DMD: variants seen among roughly 807,000 people sequenced by gnomAD.
The protein encoded by DMD is dystrophin, also known as mutant dystrophin.
Under a neutral mutation model 330.1 loss-of-function variants are expected in DMD, and 63 were observed. That is an observed-to-expected ratio of 0.19 (90% CI 0.16 to 0.24). The LOEUF is 0.24. Ranked by LOEUF, DMD falls within the 10% of genes least tolerant of loss-of-function variation. DMD has a pLI of 1.00. For synonymous variants in DMD, 1,223 were observed against 959.8 expected, an observed-to-expected ratio of 1.27 and a Z score of -5.07; for missense variants, 3,344 against 2,684.1, an observed-to-expected ratio of 1.25 and a Z score of -5.43.
chrX:33,324,829 T>C (rs1314761543), intron 1 of DMD, among the ~76,000 whole-genome samples: 1 of 112,013 alleles, frequency 8.9e-6, no homozygotes, highest in African/African-American at 3.2e-5. Context: ...AAAGCAATCA[T>C]GAATCACATG....
At chrX:32,542,109 G>C (rs958402943) in intron 17 of DMD, among the ~76,000 whole-genome samples, 2 of 110,746 alleles carry the variant, frequency 1.8e-5, no homozygotes, top group Admixed American at 9.7e-5. Context: ...AGCCAGGCTC[G>C]AATCAATGAG....
intron 16 of DMD, among the ~76,000 whole-genome samples, chrX:32,559,377 T>C (rs2050739867): frequency 8.9e-6 from 1 of 112,292 alleles, no homozygotes; most frequent in Middle Eastern, 4.6e-3. Flanking sequence ...GGTATTTTTA[T>C]TTTAATTCCA....
chrX:33,256,537 T>C (rs1368914782), intron 1 of DMD, among the ~76,000 whole-genome samples: 1 of 110,608 alleles, frequency 9.0e-6, no homozygotes, highest in Non-Finnish European at 1.9e-5. Context: ...ATAACATTTA[T>C]ATTTTAAATT....
In DMD at chrX:31,121,207, T is replaced by TAACTA. The variant is rs1481439021; in HGVS notation, c.*707_*711dup. 8.9e-6 allele frequency: 1 copy of TAACTA among 111,804 alleles called. No homozygotes were observed. Among genetic ancestry groups the TAACTA allele is most frequent in the Non-Finnish European group, 1.9e-5 (1 of 53,150 alleles). 9.2% of individuals were successfully genotyped at this position (111,804 alleles called of 1,213,427 possible). The stretch of plus-strand genomic sequence containing the variant: ...AGAAATTCGTATCTCTTTATCTATA[T>TAACTA]AACTATAGTATTTATATACTTATAG... On this transcript the variant is annotated 3_prime_UTR_variant, in exon 79 of 79. Coordinates refer to ENST00000357033, the MANE Select transcript of DMD (RefSeq NM_004006.3).
intron 39 of DMD, among the ~76,000 whole-genome samples, chrX:32,344,338 T>G (rs2097757275): frequency 8.9e-6 from 1 of 111,898 alleles, no homozygotes; most frequent in African/African-American, 3.2e-5. Context: ...ATTGGAACTA[T>G]TTGACAGGTT....
chrX:32,279,790 T>C (rs1230931218), intron 43 of DMD, among the ~76,000 whole-genome samples: 1 of 109,617 alleles, frequency 9.1e-6, no homozygotes, highest in South Asian at 3.9e-4. Flanking sequence ...ACAATTTAAT[T>C]GTACATTTTT....
intron 1 of DMD, among the ~76,000 whole-genome samples, chrX:33,114,880 G>C (rs16990916): frequency 0.029 from 3,229 of 111,345 alleles, 126 homozygotes; most frequent in African/African-American, 0.1. Flanking sequence ...ACATTAGGAA[G>C]GTACATTCCT....
chrX:31,238,065 G>A (rs2047906335), intron 63 of DMD, among the ~76,000 whole-genome samples: 1 of 111,831 alleles, frequency 8.9e-6, no homozygotes. Flanking sequence ...CTGCATTTGG[G>A]AGTTGCTTGA....
chrX:32,194,058 G>A (rs2096987587), intron 44 of DMD, among the ~76,000 whole-genome samples: 1 of 112,300 alleles, frequency 8.9e-6, no homozygotes, highest in Admixed American at 9.4e-5. Context: ...CTTCTTGTGA[G>A]TATAACTTTC....
chrX:31,244,797 T>G (rs754153230), intron 63 of DMD, among the ~76,000 whole-genome samples: 53 of 111,822 alleles, frequency 4.7e-4, no homozygotes, highest in Non-Finnish European at 9.0e-4. Flanking sequence ...TGAGGTGATT[T>G]TCATTTTGTT....
At chrX:31,886,910 T>C (rs1214555764) in intron 47 of DMD, among the ~76,000 whole-genome samples, 1 of 112,133 alleles carries the variant, frequency 8.9e-6, no homozygotes, top group Admixed American at 9.5e-5. Flanking sequence ...TATACTTCTA[T>C]AGAAAGAGGT....
intron 13 of DMD, among the ~76,000 whole-genome samples, chrX:32,576,902 C>G (rs899542465): frequency 9.0e-6 from 1 of 111,435 alleles, no homozygotes; most frequent in African/African-American, 3.3e-5. Context: ...TGACAGCCAT[C>G]AATGCATTCA....
At chrX:32,565,969 A>G in intron 15 of DMD, 88 bp from the exon 16 acceptor site, 1 of 808,180 alleles carries the variant, frequency 1.2e-6, no homozygotes, top group South Asian at 2.2e-5. Flanking sequence ...GTATTTGCTC[A>G]TTTGCATAGA....
intron 44 of DMD, among the ~76,000 whole-genome samples, chrX:32,156,803 A>G (rs1264503133): frequency 9.0e-6 from 1 of 111,622 alleles, no homozygotes. Context: ...TCACAGGCAT[A>G]TTCTTTACAT....
At chrX:32,890,762 C>T (rs751421373) in intron 2 of DMD, among the ~76,000 whole-genome samples, 2 of 111,788 alleles carry the variant, frequency 1.8e-5, no homozygotes, top group Admixed American at 9.5e-5. Context: ...GGCTACTGAA[C>T]ATTTGAAATG....
At chrX:32,145,077 C>A (rs1003301654) in intron 44 of DMD, among the ~76,000 whole-genome samples, 7 of 111,728 alleles carry the variant, frequency 6.3e-5, no homozygotes, top group Non-Finnish European at 3.8e-5. Flanking sequence ...ACTTTGAAAT[C>A]TATTTTTTGA....
chrX:32,755,785 A>G (rs944808015), intron 7 of DMD, among the ~76,000 whole-genome samples: 8 of 112,187 alleles, frequency 7.1e-5, no homozygotes, highest in African/African-American at 2.6e-4. Context: ...GTGATCAAGA[A>G]AATGGTTGTG....
intron 43 of DMD, among the ~76,000 whole-genome samples, chrX:32,263,130 A>G (rs2097330271): frequency 8.9e-6 from 1 of 112,350 alleles, no homozygotes; most frequent in South Asian, 3.6e-4. Flanking sequence ...ATCTGAAGTA[A>G]TCATTTAAAT....
chrX:32,471,802 T>C (rs1279490303), intron 22 of DMD, among the ~76,000 whole-genome samples: 1 of 111,863 alleles, frequency 8.9e-6, no homozygotes, highest in Non-Finnish European at 1.9e-5. Context: ...ACACTGATTT[T>C]ACCCACCAGT....
Sources: gnomAD v4.1 joint callset for allele counts (sites outside exome capture counted in the v4.1 genomes callset) on GRCh38, gnomAD v4.1.1 for gene constraint, MANE v1.5 for transcripts, NCBI Gene and HGNC (gene_info 2026-07-23, HGNC 2026-07-21) for gene names.